Variants in FRMPD4 observed in about 807,000 individuals in gnomAD.
FRMPD4 encodes the protein FERM and PDZ domain-containing protein 4.
FRMPD4 carries 22 observed loss-of-function variants against 94.1 expected under a neutral mutation model. The ratio of observed to expected loss-of-function variants is 0.23; its 90% CI spans 0.17 to 0.33. The LOEUF (loss-of-function observed/expected upper bound fraction) is 0.33, where lower values mean the gene tolerates loss of function less well. Among genes scored for constraint, FRMPD4 ranks in the 10% least tolerant of loss-of-function variants. The pLI is 1.00. For synonymous variants in FRMPD4, 631 were observed against 548.6 expected, an observed-to-expected ratio of 1.15 and a Z score of -2.10; for missense variants, 1,111 against 1,339.9, an observed-to-expected ratio of 0.83 and a Z score of 2.67.
intron 1 of FRMPD4, among the ~76,000 whole-genome samples, chrX:11,829,953 G>A (rs184278053): frequency 8.9e-6 from 1 of 112,228 alleles, no homozygotes; most frequent in Admixed American, 9.5e-5. Context: ...GACAAGTTTT[G>A]TTACAGAATC....
chrX:11,909,174 C>A (rs190308627), intron 3 of FRMPD4, among the ~76,000 whole-genome samples: 61 of 111,812 alleles, frequency 5.5e-4, no homozygotes, highest in African/African-American at 1.9e-3. Flanking sequence ...ATTAAAGCCA[C>A]CTGGTCTGGA....
At chrX:12,665,295 T>G (rs1312538322) in intron 4 of FRMPD4, among the ~76,000 whole-genome samples, 4 of 111,074 alleles carry the variant, frequency 3.6e-5, no homozygotes, top group Non-Finnish European at 7.6e-5. Flanking sequence ...ACAAAAAAAA[T>G]TAGCCGGGCA....
chrX:12,183,602 C>T (rs2056388283), intron 1 of FRMPD4, among the ~76,000 whole-genome samples: 1 of 111,400 alleles, frequency 9.0e-6, no homozygotes, highest in Non-Finnish European at 1.9e-5. Flanking sequence ...AAAGAATTTC[C>T]CTACCCCACA....
chrX:12,113,309 G>A (rs929808672), intron 3 of FRMPD4, among the ~76,000 whole-genome samples: 5 of 112,360 alleles, frequency 4.4e-5, no homozygotes, highest in African/African-American at 9.7e-5. Context: ...TCCTGCTGCT[G>A]CTATAACAAA....
At chrX:12,048,500 C>A (rs1408909274) in intron 3 of FRMPD4, among the ~76,000 whole-genome samples, 1 of 111,441 alleles carries the variant, frequency 9.0e-6, no homozygotes, top group Non-Finnish European at 1.9e-5. Flanking sequence ...TTAATTAGGC[C>A]CCACTTTTTT....
intron 1 of FRMPD4, among the ~76,000 whole-genome samples, chrX:12,240,013 C>T (rs1245193034): frequency 1.8e-5 from 2 of 112,294 alleles, no homozygotes; most frequent in Non-Finnish European, 3.8e-5. Flanking sequence ...ATACATAACA[C>T]GTGGTTTTGA....
intron 2 of FRMPD4, among the ~76,000 whole-genome samples, chrX:12,515,543 G>A (rs2058087256): frequency 8.9e-6 from 1 of 112,017 alleles, no homozygotes; most frequent in Admixed American, 9.4e-5. Context: ...TGATGGCACT[G>A]TGATCTGAAA....
At chrX:12,226,855 C>A in intron 1 of FRMPD4, among the ~76,000 whole-genome samples, 2 of 110,224 alleles carry the variant, frequency 1.8e-5, no homozygotes, top group Admixed American at 1.9e-4. Flanking sequence ...TGTAAGCAAA[C>A]CTGCCCTCTG....
chrX:12,613,818 A>C (rs1434443385), intron 3 of FRMPD4, among the ~76,000 whole-genome samples: 2 of 112,202 alleles, frequency 1.8e-5, no homozygotes, highest in Non-Finnish European at 3.8e-5. Context: ...TCTACTAAAA[A>C]TACAAAAAAT....
At position 12,579,652 on chromosome X, in the gene FRMPD4, A is replaced by AT. The variant is rs755159722; in HGVS notation, c.159-30061dup. Among the ~76,000 whole-genome samples, 8 of 111,425 alleles carry AT rather than the reference A, an allele frequency of 7.2e-5. No homozygotes were observed. In the East Asian group the frequency reaches 1.1e-3, roughly 16 times the overall value. ...ATATTTTATTTTTTTAAACCCATAG[A>AT]TTTTTTTTAGACAAAAATCAATTTC... On this transcript the variant is annotated intron_variant, in intron 2 of 16. Transcript: ENST00000675598.
intron 16 of FRMPD4, 134 bp downstream of exon 16, chrX:12,718,924 G>A (rs774406203): frequency 1.3e-4 from 59 of 437,707 alleles, no homozygotes; most frequent in Non-Finnish European, 2.1e-4. Context: ...GAACTGTAAA[G>A]TACCAATCAT....
chrX:12,644,018 T>G (rs2059524200), intron 4 of FRMPD4, among the ~76,000 whole-genome samples: 2 of 112,723 alleles, frequency 1.8e-5, no homozygotes, highest in South Asian at 7.3e-4. Flanking sequence ...TTACAGACTT[T>G]ATATATAATT....
intron 1 of FRMPD4, among the ~76,000 whole-genome samples, chrX:12,226,896 T>G (rs2056928677): frequency 9.1e-6 from 1 of 110,164 alleles, no homozygotes; most frequent in Admixed American, 9.8e-5. Context: ...TTTTAGAATT[T>G]TATTCCCTAT....
At chrX:12,472,096 A>G (rs1330522726) in intron 1 of FRMPD4, among the ~76,000 whole-genome samples, 1 of 111,616 alleles carries the variant, frequency 9.0e-6, no homozygotes, top group African/African-American at 3.3e-5. Flanking sequence ...AAAAATTAAG[A>G]CCCCTATATT....
chrX:12,482,155 T>A (rs2057695024), intron 1 of FRMPD4, among the ~76,000 whole-genome samples: 1 of 109,703 alleles, frequency 9.1e-6, no homozygotes, highest in African/African-American at 3.3e-5. Context: ...AATCTGTGTA[T>A]AAGTGGACAT....
At chrX:12,627,144 C>T (rs776407579) in intron 4 of FRMPD4, among the ~76,000 whole-genome samples, 3 of 111,356 alleles carry the variant, frequency 2.7e-5, no homozygotes, top group Non-Finnish European at 3.8e-5. Context: ...GGCATGGTGG[C>T]GCATGCCTGT....
chrX:11,850,558 A>T (rs1047393444), intron 1 of FRMPD4, among the ~76,000 whole-genome samples: 4 of 112,678 alleles, frequency 3.5e-5, no homozygotes, highest in African/African-American at 1.3e-4. Flanking sequence ...TGAAGTGTCC[A>T]TTGCCATGTG....
chrX:12,568,037 T>A (rs1602142835), intron 2 of FRMPD4, among the ~76,000 whole-genome samples: 1 of 111,680 alleles, frequency 9.0e-6, no homozygotes, highest in Non-Finnish European at 1.9e-5. Context: ...AAAGGTTTCT[T>A]TGCTGCCCTC....
intron 1 of FRMPD4, among the ~76,000 whole-genome samples, chrX:12,179,560 A>G (rs751034145): frequency 4.5e-5 from 5 of 112,105 alleles, no homozygotes; most frequent in Middle Eastern, 4.6e-3. Flanking sequence ...GAGGTTTTCC[A>G]TATGTTCTAC....
Sources: gnomAD v4.1 joint callset for allele counts (sites outside exome capture counted in the v4.1 genomes callset) on GRCh38, gnomAD v4.1.1 for gene constraint, MANE v1.5 for transcripts, NCBI Gene and HGNC (gene_info 2026-07-23, HGNC 2026-07-21) for gene names.